ADGRV1: variants seen among roughly 807,000 people sequenced by gnomAD.
ADGRV1 encodes the protein adhesion G protein-coupled receptor V1, also known as G-protein coupled receptor 98.
ADGRV1 carries 359 observed loss-of-function variants against 596.2 expected under a neutral mutation model. That is an observed-to-expected ratio of 0.60 (90% CI 0.55 to 0.66). The LOEUF (loss-of-function observed/expected upper bound fraction) is 0.66, where lower values mean the gene tolerates loss of function less well. Ranked by LOEUF, ADGRV1 falls within the 30% of genes least tolerant of loss-of-function variation. ADGRV1 has a pLI of 0.00. For synonymous variants in ADGRV1, 2,681 were observed against 2,679.2 expected, an observed-to-expected ratio of 1.00 and a Z score of -0.02; for missense variants, 7,274 against 7,575.6, an observed-to-expected ratio of 0.96 and a Z score of 1.48.
At chr5:90,933,318 A>T (rs1775415555) in intron 83 of ADGRV1, among the ~76,000 whole-genome samples, 1 of 152,248 alleles carries the variant, frequency 6.6e-6, no homozygotes, top group Admixed American at 6.5e-5. Flanking sequence ...TGTTAGAAGC[A>T]GAACTATTTT....
chr5:90,745,095 T>C lies in ADGRV1; in HGVS notation c.10599T>C (p.Asn3533=). 2 of 1,613,844 alleles carry C rather than the reference T, an allele frequency of 1.2e-6. No homozygotes were observed. Among genetic ancestry groups the C allele is most frequent in the South Asian group, 1.1e-5 (1 of 91,068 alleles). The stretch of plus-strand genomic sequence containing the variant: ...ATATGTCTGCTCTTTACTGCTGGAA[T>C]TCGGAGCGTAATCAATTCTCTTTTG... ...GQDMSALYCW[N]SERNQFSFVL... Residue 3533 remains asparagine (N), a synonymous_variant, in exon 51 of 90, where the codon AAT becomes AAC. Coordinates refer to ENST00000405460, the MANE Select transcript of ADGRV1 (RefSeq NM_032119.4).
chr5:90,931,294 G>C (rs993272545), intron 83 of ADGRV1: 9 of 152,194 alleles, frequency 5.9e-5, no homozygotes, highest in African/African-American at 2.2e-4. Flanking sequence ...TCAAGGGCCA[G>C]ATATCAAACA....
At chr5:91,075,070 A>G (rs1788729066) in intron 86 of ADGRV1, among the ~76,000 whole-genome samples, 1 of 152,052 alleles carries the variant, frequency 6.6e-6, no homozygotes. Context: ...GGTTCCTCAT[A>G]GGTTCTGGAT....
chr5:90,994,249 G>A (rs1159907258), intron 85 of ADGRV1, among the ~76,000 whole-genome samples: 1 of 151,904 alleles, frequency 6.6e-6, no homozygotes, highest in East Asian at 1.9e-4. Flanking sequence ...TTTTAGTAGA[G>A]ATGGGGTTTC....
At position 90,706,337 on chromosome 5, in the gene ADGRV1, C is replaced by T; in HGVS notation, c.8673C>T (p.Gly2891=). 6.2e-7 allele frequency: 1 copy of T among 1,612,664 alleles called. No individual in the cohort carries two copies. The highest frequency in any genetic ancestry group is 1.7e-4 in the Middle Eastern group (1 of 6,056). ...EPEVDFVPII[G]FLILEEGETA... ...AAGTTGATTTTGTCCCTATCATTGG[C>T]TTTCTGATTTTAGAAGAAGGGGAAA... Residue 2891 remains glycine (G), a synonymous_variant, in exon 38 of 90, where the codon GGC becomes GGT. Coordinates refer to ENST00000405460, the MANE Select transcript of ADGRV1 (RefSeq NM_032119.4).
chr5:91,080,813 A>G (rs1218055400), intron 86 of ADGRV1, among the ~76,000 whole-genome samples: 1 of 152,172 alleles, frequency 6.6e-6, no homozygotes, highest in Non-Finnish European at 1.5e-5. Context: ...AGTATTTAGT[A>G]TAGTTCCTGA....
intron 79 of ADGRV1, among the ~76,000 whole-genome samples, chr5:90,852,998 T>C (rs1372405329): frequency 6.6e-6 from 1 of 152,228 alleles, no homozygotes; most frequent in Non-Finnish European, 1.5e-5. Flanking sequence ...ATTTCATCTT[T>C]ATGGCCACAG....
At chr5:90,685,556 A>G (rs1400605822) in intron 28 of ADGRV1, among the ~76,000 whole-genome samples, 1 of 151,830 alleles carries the variant, frequency 6.6e-6, no homozygotes, top group Non-Finnish European at 1.5e-5. Flanking sequence ...CTACACTCCA[A>G]CACTCCAGCA....
intron 85 of ADGRV1, among the ~76,000 whole-genome samples, chr5:91,039,765 G>A (rs1004766135): frequency 1.3e-5 from 2 of 152,110 alleles, no homozygotes; most frequent in Non-Finnish European, 2.9e-5. Context: ...AGATAATGAT[G>A]CAGTAATATA....
intron 83 of ADGRV1, among the ~76,000 whole-genome samples, chr5:90,958,559 A>T (rs1255194571): frequency 1.3e-5 from 2 of 152,066 alleles, no homozygotes; most frequent in African/African-American, 4.8e-5. Context: ...ATTTTCTCAC[A>T]GTTTGGAGGC....
At chr5:91,000,675 T>TGTGG (rs1781783056) in intron 85 of ADGRV1, among the ~76,000 whole-genome samples, 1 of 97,616 alleles carries the variant, frequency 1.0e-5, no homozygotes. Flanking sequence ...GATCTGTGTG[T>TGTGG]GTGTGTGTGT....
chr5:90,985,140 G>T (rs1269402406), intron 84 of ADGRV1, among the ~76,000 whole-genome samples: 1 of 152,130 alleles, frequency 6.6e-6, no homozygotes, highest in Non-Finnish European at 1.5e-5. Flanking sequence ...TGTGTTTCCA[G>T]AATTTTGAGG....
intron 54 of ADGRV1, among the ~76,000 whole-genome samples, 194 bp downstream of exon 54, chr5:90,754,023 A>C (rs1241667186): frequency 1.3e-5 from 2 of 152,106 alleles, no homozygotes; most frequent in Non-Finnish European, 2.9e-5. Flanking sequence ...TGTTATAGGA[A>C]ATGTGTCTTT....
At chr5:91,074,643 A>T (rs934653126) in intron 86 of ADGRV1, among the ~76,000 whole-genome samples, 9 of 152,244 alleles carry the variant, frequency 5.9e-5, no homozygotes, top group Admixed American at 6.5e-5. Context: ...ATATGTGTGC[A>T]TGTGTCTTCA....
chr5:90,627,196 A>T lies in ADGRV1; in HGVS notation c.673-15A>T. 2.8e-6 allele frequency: 4 copies of T among 1,448,562 alleles called. No individual in the cohort carries two copies. Among genetic ancestry groups the T allele is most frequent in the Non-Finnish European group, 3.7e-6 (4 of 1,087,940 alleles). The allele number at this position is 1,448,562 out of a possible 1,614,324, so 89.7% of individuals were successfully genotyped here. ...GGCTGTTGATGTTTTGCCTCTGTTTATATTCCTTTAACAGGTACCAGAAAA... is the reference window on the plus strand; with the variant it reads ...GGCTGTTGATGTTTTGCCTCTGTTTTTATTCCTTTAACAGGTACCAGAAAA... On this transcript the variant is annotated splice_polypyrimidine_tract_variant and intron_variant, in intron 6 of 89. Coordinates refer to ENST00000405460, the MANE Select transcript of ADGRV1 (RefSeq NM_032119.4).
chr5:90,992,127 C>T (rs1203080034), intron 85 of ADGRV1, among the ~76,000 whole-genome samples: 1 of 152,204 alleles, frequency 6.6e-6, no homozygotes, highest in Non-Finnish European at 1.5e-5. Flanking sequence ...AGTACGCTTC[C>T]CCACGAAGTC....
intron 31 of ADGRV1, among the ~76,000 whole-genome samples, chr5:90,692,349 T>C (rs77764863): frequency 0.012 from 1,779 of 152,292 alleles, 35 homozygotes; most frequent in African/African-American, 0.041. Flanking sequence ...CACATGATTA[T>C]ATAACAATAT....
rs752199647 is a variant in ADGRV1, at chr5:90,558,800, A to G, written c.-96A>G. ...GCCCTCCTCCTGATCCTGTAGTGGTAGTAAGAATCAGCAGCGCGGGCAAGG... is the reference window on the plus strand; with the variant it reads ...GCCCTCCTCCTGATCCTGTAGTGGTGGTAAGAATCAGCAGCGCGGGCAAGG... On this transcript the variant is annotated 5_prime_UTR_variant, in exon 1 of 90. Transcript: ENST00000405460. The G allele has an allele frequency of 4.2e-6, 5 of 1,189,446 alleles. No homozygotes were observed. The highest frequency in any genetic ancestry group is 2.6e-5 in the South Asian group (2 of 77,048). The allele number at this position is 1,189,446 out of a possible 1,614,324, so 73.7% of individuals were successfully genotyped here.
chr5:90,826,954 C>T (rs1764124625), intron 76 of ADGRV1, among the ~76,000 whole-genome samples: 1 of 152,100 alleles, frequency 6.6e-6, no homozygotes, highest in African/African-American at 2.4e-5. Flanking sequence ...TTCCCCTTTT[C>T]CTGATTATTT....
Sources: allele counts gnomAD v4.1 joint callset (sites outside exome capture counted in the v4.1 genomes callset), GRCh38; gene constraint gnomAD v4.1.1; transcripts MANE v1.5; gene names NCBI Gene and HGNC (gene_info 2026-07-23, HGNC 2026-07-21).